The following MDGA1 variants were observed in gnomAD, a reference collection of about 807,000 sequenced individuals.
MDGA1 encodes MAM domain containing glycosylphosphatidylinositol anchor 1, also known as MAM domain-containing glycosylphosphatidylinositol anchor protein 1.
In MDGA1, 54 loss-of-function variants were observed where a neutral mutation model predicts 101.5. That is an observed-to-expected ratio of 0.53 (90% CI 0.43 to 0.67). The LOEUF (loss-of-function observed/expected upper bound fraction) is 0.67. Among genes scored for constraint, MDGA1 ranks in the 30% least tolerant of loss-of-function variants. The pLI is 0.00. For missense variants in MDGA1, 1,083 were observed against 1,323.8 expected, an observed-to-expected ratio of 0.82 and a Z score of 2.82; for synonymous variants, 533 against 558.3, an observed-to-expected ratio of 0.95 and a Z score of 0.64.
At chr6:37,642,064 T>C (rs1194122627) in intron 14 of MDGA1, among the ~76,000 whole-genome samples, 4 of 151,310 alleles carry the variant, frequency 2.6e-5, no homozygotes, top group African/African-American at 9.7e-5. Flanking sequence ...CAAGGAATAA[T>C]CACCAAGATG....
chr6:37,655,652 T>G lies in MDGA1; in HGVS notation c.579+48A>C. The G allele has an allele frequency of 2.8e-6, 4 of 1,441,952 alleles. No homozygotes were observed. The highest frequency in any genetic ancestry group is 2.4e-5 in the East Asian group (1 of 42,050). The allele number at this position is 1,441,952 out of a possible 1,614,324, so 89.3% of individuals were successfully genotyped here. A position where few individuals can be genotyped will look rare whatever the true frequency, so the allele number is the denominator to read the frequency against. The stretch of plus-strand genomic sequence containing the variant: ...CTCAGCCCCATGCCCCCCTCCCCTG[T>G]TGGATGCAGGAGAAGTGGTATGGGG... On this transcript the variant is annotated intron_variant, in intron 4 of 16. Coordinates refer to ENST00000434837, the MANE Select transcript of MDGA1 (RefSeq NM_153487.4). This position sits in a 1 kb window ranked among gnomAD's most constrained non-coding sequence, Gnocchi z 5.1.
At chr6:37,694,977 G>A (rs1762387749) in intron 1 of MDGA1, among the ~76,000 whole-genome samples, 1 of 151,964 alleles carries the variant, frequency 6.6e-6, no homozygotes, top group African/African-American at 2.4e-5. Context: ...CACTGCCCCT[G>A]ACTCCAAACC....
chr6:37,644,678 GAGTC>G (rs1250292641), intron 12 of MDGA1, 29 bp from the exon 13 acceptor site: 4 of 1,513,210 alleles, frequency 2.6e-6, no homozygotes, highest in Non-Finnish European at 3.6e-6. Flanking sequence ...ATGAGACAAA[GAGTC>G]AGCCTCTTCA....
At chr6:37,644,382 G>T (rs1219354088) in intron 13 of MDGA1, 115 bp downstream of exon 13, 3 of 1,149,540 alleles carry the variant, frequency 2.6e-6, no homozygotes, top group Admixed American at 6.7e-5. Flanking sequence ...CTGAGAACAG[G>T]GCTGCGTCTC....
chr6:37,672,496 C>T (rs1761892389), intron 1 of MDGA1, among the ~76,000 whole-genome samples: 1 of 152,218 alleles, frequency 6.6e-6, no homozygotes, highest in African/African-American at 2.4e-5. Context: ...CTTCCTGCTT[C>T]TGGCTCCTTC....
intron 1 of MDGA1, among the ~76,000 whole-genome samples, chr6:37,681,617 T>A (rs1027768106): frequency 6.6e-6 from 1 of 152,226 alleles, no homozygotes; most frequent in Non-Finnish European, 1.5e-5. Flanking sequence ...CACATGCCAG[T>A]GTATATTACA....
Position 37,658,420 on chromosome 6 carries a change from C to T in MDGA1, c.208-1G>A. The T allele has an allele frequency of 6.2e-7, 1 of 1,604,470 alleles. No individual in the cohort carries two copies. Among genetic ancestry groups the T allele is most frequent in the Non-Finnish European group, 8.5e-7 (1 of 1,175,252 alleles). On this transcript the variant is annotated splice_acceptor_variant, in intron 2 of 16. Coordinates refer to ENST00000434837, the MANE Select transcript of MDGA1 (RefSeq NM_153487.4). LOFTEE classifies it high-confidence loss of function. ...TACCTGCCGTCTTGGTCCACCGTAC[C>T]TGGGCCGCCAGGCGGGGCAGAGTCA... is the stretch of plus-strand genomic sequence containing the variant.
At position 37,637,176 on chromosome 6, in the gene MDGA1, A is replaced by G; in HGVS notation, c.*192T>C. On this transcript the variant is annotated 3_prime_UTR_variant, in exon 17 of 17. Coordinates refer to ENST00000434837, the MANE Select transcript of MDGA1 (RefSeq NM_153487.4). Reference sequence around the variant, plus strand: ...GTGTGTGCGTGTGTGCAAGTGGAACAGCTGTCTCCAGGGCCTCAGTGCCTG... The same window carrying G: ...GTGTGTGCGTGTGTGCAAGTGGAACGGCTGTCTCCAGGGCCTCAGTGCCTG... The G allele has an allele frequency of 1.8e-6, 1 of 565,866 alleles. No homozygotes were observed. The highest frequency in any genetic ancestry group is 2.9e-5 in the East Asian group (1 of 34,550). The allele number at this position is 565,866 out of a possible 1,614,324, so 35.1% of individuals were successfully genotyped here. A position where few individuals can be genotyped will look rare whatever the true frequency, so the allele number is the denominator to read the frequency against.
At chr6:37,665,920 C>T (rs1256585937) in intron 1 of MDGA1, among the ~76,000 whole-genome samples, 1 of 152,178 alleles carries the variant, frequency 6.6e-6, no homozygotes, top group African/African-American at 2.4e-5. Context: ...AAAATGTATA[C>T]CTGGCCCACC....
At chr6:37,650,689 C>T (rs971783358) in intron 7 of MDGA1, among the ~76,000 whole-genome samples, 4 of 152,214 alleles carry the variant, frequency 2.6e-5, no homozygotes, top group Non-Finnish European at 5.9e-5. Flanking sequence ...GGGATTCCAC[C>T]TCTTAAACAT....
chr6:37,692,175 C>T (rs995988146), intron 1 of MDGA1, among the ~76,000 whole-genome samples: 4 of 152,170 alleles, frequency 2.6e-5, no homozygotes, highest in African/African-American at 4.8e-5. Context: ...TGCAATGTGG[C>T]GGCCAAGCCC....
rs1052758805 is a variant in MDGA1 at position 37,697,525 on chromosome 6, G to A, written c.-714C>T. The A allele has an allele frequency of 1.3e-5, 2 of 152,196 alleles. No homozygotes were observed. The highest frequency in any genetic ancestry group is 4.1e-4 in the South Asian group (2 of 4,830). 9.4% of individuals were successfully genotyped at this position (152,196 alleles called of 1,614,324 possible). The stretch of plus-strand genomic sequence containing the variant: ...CAGCCCGGCGCCCCGCGGGAATCTG[G>A]AGAGCAATTCCAGGCAAGAAGGGCC... On this transcript the variant is annotated 5_prime_UTR_variant, in exon 1 of 17. Transcript: ENST00000434837.
At chr6:37,654,695 G>A (rs1218907683) in intron 5 of MDGA1, 105 bp downstream of exon 5, 2 of 1,546,986 alleles carry the variant, frequency 1.3e-6, no homozygotes, top group East Asian at 4.5e-5. Flanking sequence ...GGAGGGGCCA[G>A]ACATTAGTGG....
At chr6:37,664,595 C>G (rs917475770) in intron 1 of MDGA1, among the ~76,000 whole-genome samples, 2 of 71,138 alleles carry the variant, frequency 2.8e-5, no homozygotes, top group Non-Finnish European at 6.0e-5. Context: ...CCCTCTCCCC[C>G]ACAATACACA....
In MDGA1 at chr6:37,652,352, T is replaced by C. The variant is rs953921306; in HGVS notation, c.983-12A>G. ...AGCGTTCTTCATGGCTGTGAGTGGA[T>C]GGGGAGGGAAGGGTAGTTGGGGTTG... On this transcript the variant is annotated splice_polypyrimidine_tract_variant and intron_variant, in intron 6 of 16. Transcript: ENST00000434837. This position sits in a 1 kb window ranked among gnomAD's most constrained non-coding sequence, Gnocchi z 4.3. 1 of 1,589,160 alleles carries C rather than the reference T, an allele frequency of 6.3e-7. No individual in the cohort carries two copies.
intron 16 of MDGA1, 124 bp from the exon 17 acceptor site, chr6:37,637,583 T>C: frequency 4.0e-6 from 3 of 744,064 alleles, no homozygotes. Context: ...GGGTGGGCAC[T>C]GGCCTCAGTG....
At chr6:37,658,191 CT>C in intron 3 of MDGA1, 53 bp downstream of exon 3, 1 of 1,483,870 alleles carries the variant, frequency 6.7e-7, no homozygotes. Context: ...CTGGGGCGCC[CT>C]CTGGCCCGGG....
chr6:37,644,421 C>T, intron 13 of MDGA1, 76 bp downstream of exon 13: 2 of 1,392,236 alleles, frequency 1.4e-6, no homozygotes, highest in South Asian at 1.6e-5. Context: ...TCCCTTCATC[C>T]CCAGTCTGGG....
chr6:37,655,261 G>A lies in MDGA1; in HGVS notation c.580-329C>T. The A allele has an allele frequency of 2.6e-6, 1 of 391,530 alleles. No homozygotes were observed. Among genetic ancestry groups the A allele is most frequent in the Non-Finnish European group, 4.6e-6 (1 of 216,840 alleles). The allele number at this position is 391,530 out of a possible 1,614,324, so 24.3% of individuals were successfully genotyped here. A position where few individuals can be genotyped will look rare whatever the true frequency, so the allele number is the denominator to read the frequency against. On this transcript the variant is annotated intron_variant, in intron 4 of 16. Coordinates refer to ENST00000434837, the MANE Select transcript of MDGA1 (RefSeq NM_153487.4). This position sits in a 1 kb window ranked among gnomAD's most constrained non-coding sequence, Gnocchi z 5.1. ...ACTCGTACAACCCACACAAACATGG[G>A]GCTGGCCTGCAGCCACCGCTGAAAG...
Sources: allele counts gnomAD v4.1 joint callset (sites outside exome capture counted in the v4.1 genomes callset), GRCh38; gene constraint gnomAD v4.1.1; non-coding constraint Gnocchi (gnomAD v3.1); transcripts MANE v1.5; gene names NCBI Gene and HGNC (gene_info 2026-07-23, HGNC 2026-07-21).